The following COPA variants were observed in gnomAD, a reference collection of about 807,000 sequenced individuals.
COPA encodes the protein coatomer subunit alpha.
COPA carries 10 observed loss-of-function variants against 158.7 expected under a neutral mutation model. The observed-to-expected ratio is 0.06, with a 90% CI of 0.04 to 0.11. The LOEUF (loss-of-function observed/expected upper bound fraction) is 0.11, where lower values mean the gene tolerates loss of function less well. Ranked by LOEUF, COPA falls within the 10% of genes least tolerant of loss-of-function variation. COPA has a pLI of 1.00. For missense variants in COPA, 1,065 were observed against 1,536.7 expected (o/e 0.69, Z 5.13); for synonymous variants, 462 against 542.8 (o/e 0.85, Z 2.07).
chr1:160,297,402 T>C lies in COPA; in HGVS notation c.2204A>G (p.Asn735Ser). Residue 735 changes from asparagine to serine, a missense_variant, in exon 21 of 33, where the codon AAT (asparagine) becomes AGT (serine). By Grantham distance (46) the Asn-to-Ser change is conservative. Coordinates refer to ENST00000241704, the MANE Select transcript of COPA (RefSeq NM_004371.4). ...TGACACATCACCCAGGTATAGGGCATTCTGATAGTGGCCACTCATGTCCTT... is the reference window on the plus strand; with the variant it reads ...TGACACATCACCCAGGTATAGGGCACTCTGATAGTGGCCACTCATGTCCTT... ...IRKDMSGHYQNALYLGDVSER... is the reference protein window; with the variant it reads ...IRKDMSGHYQSALYLGDVSER... The C allele has an allele frequency of 6.2e-7, 1 of 1,614,206 alleles. No individual in the cohort carries two copies. Among genetic ancestry groups the C allele is most frequent in the Non-Finnish European group, 8.5e-7 (1 of 1,180,048 alleles).
Position 160,314,101 on chromosome 1 carries a change from G to A in COPA, c.731C>T (p.Thr244Ile). Residue 244 changes from threonine (T) to isoleucine (I), a missense_variant, in exon 9 of 33, where the codon ACC (threonine) becomes ATC (isoleucine). Physicochemically the swap from Thr to Ile is moderately conservative, Grantham distance 89. Around this residue, in one of 2 missense-constraint regions of COPA, gnomAD observed 980 missense variants for 1,357.8 expected, o/e 0.72. Coordinates refer to ENST00000241704, the MANE Select transcript of COPA (RefSeq NM_004371.4). ...TACATTGTTGTAATGGCCCCGGCAGGTATCAACCTCCCATGCCTTTGATTC... is the reference window on the plus strand; with the variant it reads ...TACATTGTTGTAATGGCCCCGGCAGATATCAACCTCCCATGCCTTTGATTC... ...MNESKAWEVD[T>I]CRGHYNNVSC... 1.2e-6 allele frequency: 2 copies of A among 1,613,514 alleles called. No individual in the cohort carries two copies. Among genetic ancestry groups the A allele is most frequent in the Non-Finnish European group, 1.7e-6 (2 of 1,179,814 alleles).
chr1:160,295,902 G>A, intron 22 of COPA, 43 bp from the exon 23 acceptor site: 2 of 1,585,212 alleles, frequency 1.3e-6, no homozygotes, highest in South Asian at 2.3e-5. Flanking sequence ...ATAGCACTTG[G>A]AAGTCACGTA....
Position 160,340,608 on chromosome 1 carries a change from G to T in COPA, c.41-314C>A, listed in dbSNP as rs149255588. 6.6e-5 allele frequency among the ~76,000 whole-genome samples: 10 copies of T among 152,230 alleles called. No homozygotes were observed. In the East Asian group the frequency reaches 1.9e-3, roughly 29 times the overall value. On this transcript the variant is annotated intron_variant, in intron 1 of 32. Transcript: ENST00000241704. ...GCAGCCTTCATTCTAGGCTTAATCT[G>T]GAACCACTATTAAAGCAATAGCCAT... is the stretch of plus-strand genomic sequence containing the variant.
intron 17 of COPA, among the ~76,000 whole-genome samples, chr1:160,302,258 T>TA (rs1409038105): frequency 6.6e-6 from 1 of 152,114 alleles, no homozygotes; most frequent in African/African-American, 2.4e-5. Context: ...ATTAGAAAAT[T>TA]AAAATTTTAA....
chr1:160,311,416 T>C (rs1305492413), intron 11 of COPA, among the ~76,000 whole-genome samples: 4 of 140,454 alleles, frequency 2.8e-5, no homozygotes, highest in East Asian at 4.2e-4. Context: ...CCAGCCTGGG[T>C]GACAGAGTGA....
rs570083377 is a variant in COPA, at chr1:160,313,036, T to A, written c.925+49A>T. 131 of 1,528,818 alleles carry A rather than the reference T, an allele frequency of 8.6e-5. 1 individual carries two copies. The South Asian group carries it at 1.4e-3, about 17-fold the overall frequency. The allele number at this position is 1,528,818 out of a possible 1,614,324, so 94.7% of individuals were successfully genotyped here. On this transcript the variant is annotated intron_variant, in intron 10 of 32. Coordinates refer to ENST00000241704, the MANE Select transcript of COPA (RefSeq NM_004371.4). ...CAAAGCTAATAATCACTTTCAAGAC[T>A]TATAAACTTTGAATTAAGCAAAGAA... is the stretch of plus-strand genomic sequence containing the variant.
chr1:160,291,937 G>A lies in COPA; in HGVS notation c.3148-8C>T, dbSNP rs747825266. Reference sequence around the variant, plus strand: ...GGTGATGAGCTGCTGGGCCTGTAGAGGGGGCAGAAGGTCAGGATACAGAGA... The same window carrying A: ...GGTGATGAGCTGCTGGGCCTGTAGAAGGGGCAGAAGGTCAGGATACAGAGA... On this transcript the variant is annotated splice_polypyrimidine_tract_variant and splice_region_variant and intron_variant, in intron 29 of 32. Transcript: ENST00000241704. The A allele has an allele frequency of 3.7e-6, 6 of 1,614,168 alleles. No individual in the cohort carries two copies. In the South Asian group the frequency reaches 5.5e-5, roughly 15 times the overall value.
intron 31 of COPA, 124 bp downstream of exon 31, chr1:160,291,211 T>A: frequency 9.3e-7 from 1 of 1,075,026 alleles, no homozygotes; most frequent in East Asian, 2.4e-5. Flanking sequence ...AGGGTAGCAT[T>A]CTGTTGGCTT....
intron 8 of COPA, chr1:160,317,771 A>C (rs1237041972): frequency 9.3e-7 from 1 of 1,079,434 alleles, no homozygotes; most frequent in Non-Finnish European, 1.4e-6. Context: ...GTTCTTTTGT[A>C]ATGTGGTGTT....
intron 8 of COPA, among the ~76,000 whole-genome samples, chr1:160,322,448 C>CTT (rs1468667811): frequency 6.6e-6 from 1 of 152,134 alleles, no homozygotes; most frequent in African/African-American, 2.4e-5. Flanking sequence ...GGATTAAAGA[C>CTT]TTAAATCTAA....
chr1:160,319,564 C>T (rs974459042), intron 8 of COPA, among the ~76,000 whole-genome samples: 3 of 149,544 alleles, frequency 2.0e-5, no homozygotes, highest in African/African-American at 7.4e-5. Flanking sequence ...AACATTTCAC[C>T]CAACGGCTAC....
At chr1:160,322,137 G>A (rs1291166007) in intron 8 of COPA, among the ~76,000 whole-genome samples, 1 of 152,016 alleles carries the variant, frequency 6.6e-6, no homozygotes, top group South Asian at 2.1e-4. Flanking sequence ...CAGCACAAAA[G>A]ACCCCAAATA....
At chr1:160,303,584 TTACAGAAGAA>T (rs1471967329) in intron 17 of COPA, among the ~76,000 whole-genome samples, 3 of 152,208 alleles carry the variant, frequency 2.0e-5, no homozygotes, top group African/African-American at 4.8e-5. Context: ...TACAATGTTT[TTACAGAAGAA>T]TACAGAAGAA....
At chr1:160,334,898 T>G (rs143691452) in intron 4 of COPA, among the ~76,000 whole-genome samples, 2 of 152,332 alleles carry the variant, frequency 1.3e-5, no homozygotes, top group Non-Finnish European at 2.9e-5. Context: ...TCTGACCTTC[T>G]TCCAGACACA....
At chr1:160,319,286 A>G (rs1659256024) in intron 8 of COPA, among the ~76,000 whole-genome samples, 1 of 152,052 alleles carries the variant, frequency 6.6e-6, no homozygotes, top group African/African-American at 2.4e-5. Context: ...AAAAAGAGAC[A>G]AAGAAGGTCA....
chr1:160,297,309 AC>A, intron 21 of COPA, 33 bp downstream of exon 21: 1 of 1,578,890 alleles, frequency 6.3e-7, no homozygotes, highest in Non-Finnish European at 8.7e-7. Context: ...ACTTCCTCAG[AC>A]CCTGAAAAAG....
chr1:160,343,132 T>C lies in COPA; in HGVS notation c.39A>G (p.Lys13=), dbSNP rs1368315335. The change falls in exon 1 of 33, where the codon AAA becomes AAG. Residue 13 remains lysine (K), a splice_region_variant and synonymous_variant. Coordinates refer to ENST00000241704, the MANE Select transcript of COPA (RefSeq NM_004371.4). ...TKFETKSARV[K]GLSFHPKRPW... ...GTTCCCCCTTTTATTCTCCACTACC[T>C]TTGACCCGCGCGCTCTTGGTCTCGA... is the stretch of plus-strand genomic sequence containing the variant. 6.2e-7 allele frequency: 1 copy of C among 1,614,132 alleles called. No homozygotes were observed. Among genetic ancestry groups the C allele is most frequent in the East Asian group, 2.2e-5 (1 of 44,878 alleles).
intron 4 of COPA, among the ~76,000 whole-genome samples, chr1:160,335,021 C>T (rs1647694224): frequency 6.6e-6 from 1 of 152,072 alleles, no homozygotes; most frequent in Admixed American, 6.6e-5. Flanking sequence ...ACAATGACTT[C>T]CCATAGAATC....
At chr1:160,290,346 G>T in intron 32 of COPA, 130 bp from the exon 33 acceptor site, 1 of 1,363,794 alleles carries the variant, frequency 7.3e-7, no homozygotes, top group Non-Finnish European at 1.0e-6. Flanking sequence ...CTGGCCAAGA[G>T]CAGTGGGGAG....
Sources: gnomAD v4.1 joint callset for allele counts (sites outside exome capture counted in the v4.1 genomes callset) on GRCh38, gnomAD v4.1.1 for gene constraint, gnomAD v4.1.1 regional missense constraint, MANE v1.5 for transcripts, NCBI Gene and HGNC (gene_info 2026-07-23, HGNC 2026-07-21) for gene names.